Variants in PAM observed in about 807,000 individuals in gnomAD.
The protein encoded by PAM is peptidyl-glycine alpha-amidating monooxygenase.
PAM carries 72 observed loss-of-function variants against 122.1 expected under a neutral mutation model. The ratio of observed to expected loss-of-function variants is 0.59; its 90% confidence interval spans 0.49 to 0.72. The LOEUF (loss-of-function observed/expected upper bound fraction) is 0.72, where lower values mean the gene tolerates loss of function less well. Among genes scored for constraint, PAM ranks in the 30% least tolerant of loss-of-function variants. PAM has a pLI of 0.00. For missense variants in PAM, 1,106 were observed against 1,183.7 expected (o/e 0.93, Z 0.96); for synonymous variants, 389 against 404.4 (o/e 0.96, Z 0.46).
intron 3 of PAM, among the ~76,000 whole-genome samples, chr5:102,881,160 A>C (rs1790925851): frequency 6.6e-6 from 1 of 151,946 alleles, no homozygotes; most frequent in Non-Finnish European, 1.5e-5. Flanking sequence ...ACACACAGAG[A>C]CTTCTAAAGA....
At chr5:102,901,455 G>A in intron 4 of PAM, 42 bp downstream of exon 4, 1 of 1,090,556 alleles carries the variant, frequency 9.2e-7, no homozygotes. Context: ...TTTAATGGAG[G>A]GCAGTGATTT....
intron 1 of PAM, among the ~76,000 whole-genome samples, chr5:102,840,864 C>G (rs1229453942): frequency 6.6e-6 from 1 of 152,078 alleles, no homozygotes. Context: ...TGGGCATGTC[C>G]TTTTTTAATT....
intron 1 of PAM, among the ~76,000 whole-genome samples, chr5:102,782,721 C>CTGTGTGTGTGTG (rs1460448799): frequency 6.9e-6 from 1 of 144,990 alleles, no homozygotes; most frequent in African/African-American, 2.7e-5. Context: ...CTCTCTCTCT[C>CTGTGTGTGTGTG]TCTCTGTGTG....
chr5:102,825,214 T>C (rs1275455894), intron 1 of PAM, among the ~76,000 whole-genome samples: 1 of 152,238 alleles, frequency 6.6e-6, no homozygotes, highest in East Asian at 1.9e-4. Context: ...TCAAACATTT[T>C]CTTTCAGAGC....
At chr5:102,872,891 A>G (rs770190179) in intron 3 of PAM, among the ~76,000 whole-genome samples, 4 of 152,168 alleles carry the variant, frequency 2.6e-5, no homozygotes, top group Non-Finnish European at 5.9e-5. Flanking sequence ...AAAAACTCAG[A>G]GTAAAATTAG....
At position 103,007,673 on chromosome 5, in the gene PAM, ATGTT is replaced by A; in HGVS notation, c.2215+21_2215+24del. On this transcript the variant is annotated intron_variant, in intron 20 of 25. Coordinates refer to ENST00000438793, the MANE Select transcript of PAM (RefSeq NM_001177306.2). ...TATATACCAGGTATTTCATCTTAATATGTTTGTTGTCTTCTGTCCTACTGTACTC... is the reference window on the plus strand; with the variant it reads ...TATATACCAGGTATTTCATCTTAATATGTTGTCTTCTGTCCTACTGTACTC... The A allele has an allele frequency of 6.8e-7, 1 of 1,474,070 alleles. No homozygotes were observed. The highest frequency in any genetic ancestry group is 9.5e-7 in the Non-Finnish European group (1 of 1,053,466). The allele number at this position is 1,474,070 out of a possible 1,614,324, so 91.3% of individuals were successfully genotyped here.
chr5:102,788,394 G>A lies in PAM; in HGVS notation c.-374+33046G>A, dbSNP rs112657524. On this transcript the variant is annotated intron_variant, in intron 1 of 25. Transcript: ENST00000438793. ...TTAATAGCTTTGTCATGCCACTGGT[G>A]TCATAAAGTTATGGAATGTATGCAA... Among the ~76,000 whole-genome samples the A allele has an allele frequency of 7.1e-3, 1,084 of 151,936 alleles. 7 individuals carry two copies. The highest frequency in any genetic ancestry group is 0.025 in the African/African-American group (1,032 of 41,478).
At chr5:103,019,024 C>G (rs776914599) in intron 22 of PAM, among the ~76,000 whole-genome samples, 1 of 152,192 alleles carries the variant, frequency 6.6e-6, no homozygotes, top group Non-Finnish European at 1.5e-5. Context: ...TCACCTGCCA[C>G]TCACCTCCTG....
At chr5:102,959,273 GC>G (rs922903189) in intron 12 of PAM, among the ~76,000 whole-genome samples, 4 of 151,982 alleles carry the variant, frequency 2.6e-5, no homozygotes, top group Non-Finnish European at 4.4e-5. Flanking sequence ...TGCTATAAAA[GC>G]CTAGTTGCCA....
intron 7 of PAM, among the ~76,000 whole-genome samples, chr5:102,932,023 C>T (rs1751718405): frequency 6.6e-6 from 1 of 152,026 alleles, no homozygotes; most frequent in Admixed American, 6.6e-5. Flanking sequence ...TATGTAAGCT[C>T]TAAGAAGTTT....
intron 1 of PAM, among the ~76,000 whole-genome samples, chr5:102,846,541 C>G (rs1404066674): frequency 7.2e-6 from 1 of 138,782 alleles, no homozygotes; most frequent in Non-Finnish European, 1.5e-5. Context: ...CTCCTGGAAG[C>G]TGCCTGTCTC....
Position 102,990,324 on chromosome 5 carries a change from C to T in PAM, c.1536C>T (p.Gly512=). ...LDWPGVYLLP[G]QVSGVALDPK... ...GGCCTGGAGTATACTTGTTACCAGG[C>T]CAGGTTTCTGGGGTGGCTCTAGACC... The change falls in exon 16 of 26, where the codon GGC becomes GGT. Residue 512 remains glycine, a synonymous_variant. Coordinates refer to ENST00000438793, the MANE Select transcript of PAM (RefSeq NM_001177306.2). 1 of 1,608,510 alleles carries T rather than the reference C, an allele frequency of 6.2e-7. No individual in the cohort carries two copies. The highest frequency in any genetic ancestry group is 8.5e-7 in the Non-Finnish European group (1 of 1,176,128).
intron 16 of PAM, among the ~76,000 whole-genome samples, chr5:102,998,757 A>C (rs1346326693): frequency 2.0e-5 from 3 of 151,442 alleles, no homozygotes; most frequent in Admixed American, 6.6e-5. Flanking sequence ...TTAAAAAAAG[A>C]GGGGGAAAGG....
chr5:102,789,973 A>G (rs1242252416), intron 1 of PAM, among the ~76,000 whole-genome samples: 1 of 152,036 alleles, frequency 6.6e-6, no homozygotes, highest in East Asian at 1.9e-4. Flanking sequence ...GAAAAATACA[A>G]TTTTCTTATC....
intron 1 of PAM, among the ~76,000 whole-genome samples, chr5:102,785,039 A>G (rs1201588999): frequency 2.0e-5 from 3 of 152,202 alleles, no homozygotes; most frequent in Non-Finnish European, 4.4e-5. Flanking sequence ...AACTTCCCCA[A>G]ATAGACTTTT....
chr5:102,995,007 A>G (rs1292414706), intron 16 of PAM, among the ~76,000 whole-genome samples: 2 of 152,116 alleles, frequency 1.3e-5, no homozygotes, highest in African/African-American at 2.4e-5. Flanking sequence ...CTCTTTATCA[A>G]TACTTTATGG....
chr5:102,876,420 T>A (rs910402579), intron 3 of PAM, among the ~76,000 whole-genome samples: 1 of 152,200 alleles, frequency 6.6e-6, no homozygotes, highest in Non-Finnish European at 1.5e-5. Flanking sequence ...CTAATACCAT[T>A]GAAGAGTTTC....
chr5:102,974,471 GA>G (rs767118593), intron 15 of PAM, 35 bp downstream of exon 15: 2 of 1,398,076 alleles, frequency 1.4e-6, no homozygotes, highest in African/African-American at 2.9e-5. Context: ...AGTAAAGTGT[GA>G]AATGCTACAA....
At chr5:102,919,497 A>G (rs1403793816) in intron 5 of PAM, among the ~76,000 whole-genome samples, 1 of 152,052 alleles carries the variant, frequency 6.6e-6, no homozygotes, top group Non-Finnish European at 1.5e-5. Context: ...GTCTTCTGCA[A>G]TCCTCTCTTT....
Sources: gnomAD v4.1 joint callset for allele counts (sites outside exome capture counted in the v4.1 genomes callset) on GRCh38, gnomAD v4.1.1 for gene constraint, MANE v1.5 for transcripts, NCBI Gene and HGNC (gene_info 2026-07-23, HGNC 2026-07-21) for gene names.